GUCY2F: variants seen among roughly 807,000 people sequenced by gnomAD.
GUCY2F encodes the protein guanylate cyclase 2F, retinal, also known as retinal guanylyl cyclase 2.
Under a neutral mutation model 73.1 loss-of-function variants are expected in GUCY2F, and 61 were observed. That is an observed-to-expected ratio of 0.83 (90% confidence interval 0.68 to 1.03). GUCY2F has a LOEUF of 1.03. Among genes scored for constraint, GUCY2F ranks in the 50% least tolerant of loss-of-function variants. The pLI, the probability that GUCY2F is intolerant of heterozygous loss-of-function variation, is 0.00. For missense variants in GUCY2F, 912 were observed against 854.3 expected, an observed-to-expected ratio of 1.07 and a Z score of -0.84; for synonymous variants, 331 against 307.8, an observed-to-expected ratio of 1.08 and a Z score of -0.79.
At chrX:109,426,348 CAG>C (rs1299535040) in intron 8 of GUCY2F, among the ~76,000 whole-genome samples, 3 of 111,837 alleles carry the variant, frequency 2.7e-5, no homozygotes, top group Non-Finnish European at 5.6e-5. Context: ...AGGTTGTAAT[CAG>C]AGAGTGTGAT....
chrX:109,422,574 C>T (rs760838559), intron 8 of GUCY2F, among the ~76,000 whole-genome samples: 1 of 111,702 alleles, frequency 9.0e-6, no homozygotes, highest in Admixed American at 9.5e-5. Flanking sequence ...TATGAGATAA[C>T]CTCATCAAGT....
At chrX:109,417,424 CTA>C (rs1178762615) in intron 8 of GUCY2F, among the ~76,000 whole-genome samples, 2 of 111,015 alleles carry the variant, frequency 1.8e-5, no homozygotes, top group East Asian at 5.6e-4. Flanking sequence ...TCTAAGAAGA[CTA>C]TGATAAATTC....
At chrX:109,389,017 G>T (rs959156813) in intron 14 of GUCY2F, among the ~76,000 whole-genome samples, 4 of 112,047 alleles carry the variant, frequency 3.6e-5, no homozygotes, top group Non-Finnish European at 7.5e-5. Context: ...AGGAGAAAGT[G>T]CCTATGATGC....
Position 109,465,349 on chromosome X carries a change from G to C in GUCY2F, c.825C>G (p.Thr275=), listed in dbSNP as rs1429939275. Residue 275 remains threonine (T), a synonymous_variant, in exon 3 of 20, where the codon ACC becomes ACG. Transcript: ENST00000218006. Reference sequence around the variant, plus strand: ...GGGCATCATAAGGAACAAAGACGTAGGTTCCATCAGTCATTTTCAGATCAT... The same window carrying C: ...GGGCATCATAAGGAACAAAGACGTACGTTCCATCAGTCATTTTCAGATCAT... ...CAHDLKMTDG[T]YVFVPYDALL... The C allele has an allele frequency of 1.7e-6, 2 of 1,194,568 alleles. No homozygotes were observed.
At chrX:109,424,332 T>A (rs1171007808) in intron 8 of GUCY2F, among the ~76,000 whole-genome samples, 4 of 111,236 alleles carry the variant, frequency 3.6e-5, no homozygotes, top group Admixed American at 1.9e-4. Flanking sequence ...TTGAAAAGAG[T>A]AGTTTGCAAT....
In GUCY2F at chrX:109,430,386, A is replaced by G; in HGVS notation, c.1712T>C (p.Val571Ala). 1 of 1,076,482 alleles carries G rather than the reference A, an allele frequency of 9.3e-7. No individual in the cohort carries two copies. The highest frequency in any genetic ancestry group is 1.3e-6 in the Non-Finnish European group (1 of 772,464). 88.7% of individuals were successfully genotyped at this position (1,076,482 alleles called of 1,213,427 possible). ...TCCAAGGGAGAACTTTTTCAGCCAC[A>G]CCCAATCACCCTAGAAAGAAAAGGA... The part of the protein sequence containing the change: ...SNIAIYEGDW[V>A]WLKKFSLGDF... The change falls in exon 8 of 20, where the codon GTG becomes GCG. Residue 571 changes from valine (V) to alanine (A), a missense_variant. Coordinates refer to ENST00000218006, the MANE Select transcript of GUCY2F (RefSeq NM_001522.3).
At chrX:109,376,287 G>A in intron 17 of GUCY2F, 120 bp from the exon 18 acceptor site, 1 of 487,608 alleles carries the variant, frequency 2.1e-6, no homozygotes, top group Non-Finnish European at 3.6e-6. Flanking sequence ...CTCCCTACGG[G>A]GCTGAGCCAG....
chrX:109,466,405 T>C (rs1278420672), intron 2 of GUCY2F, among the ~76,000 whole-genome samples: 2 of 111,680 alleles, frequency 1.8e-5, no homozygotes, highest in Non-Finnish European at 3.8e-5. Flanking sequence ...AACTTCCCTG[T>C]AATTGAAATT....
In GUCY2F at chrX:109,409,028, C is replaced by A. The variant is rs150850300; in HGVS notation, c.1932G>T (p.Trp644Cys). ...ILTNQDVKLD[W>C]MFKSSLLLDL... The stretch of plus-strand genomic sequence containing the variant: ...CCAGCAAGAGTGATGATTTAAACAT[C>A]CAGTCAAGTTTCACATCTTGATTTG... The change falls in exon 9 of 20, where the codon TGG becomes TGT. Residue 644 changes from tryptophan to cysteine, a missense_variant. By Grantham distance (215) the Trp-to-Cys change is radical (BLOSUM62 -2). Coordinates refer to ENST00000218006, the MANE Select transcript of GUCY2F (RefSeq NM_001522.3). 210 of 1,148,191 alleles carry A rather than the reference C, an allele frequency of 1.8e-4. No individual in the cohort carries two copies. In the African/African-American group the frequency reaches 3.1e-3, roughly 17 times the overall value. The allele number at this position is 1,148,191 out of a possible 1,213,427, so 94.6% of individuals were successfully genotyped here. A position where few individuals can be genotyped will look rare whatever the true frequency, so the allele number is the denominator to read the frequency against.
rs1276860796 is a variant in GUCY2F at position 109,392,187 on chromosome X, C to A, written c.2589-84G>T. 4.6e-6 allele frequency: 3 copies of A among 650,848 alleles called. No individual in the cohort carries two copies. In the African/African-American group the frequency reaches 6.7e-5, roughly 14 times the overall value. 53.6% of individuals were successfully genotyped at this position (650,848 alleles called of 1,213,427 possible). A position where few individuals can be genotyped will look rare whatever the true frequency, so the allele number is the denominator to read the frequency against. On this transcript the variant is annotated intron_variant, in intron 13 of 19. Transcript: ENST00000218006. ...ACCTGCTAAAAATACACCAAATAAA[C>A]CTCTAAAAATCACTGCTAATAAATG...
At chrX:109,397,309 T>C (rs1308163220) in intron 11 of GUCY2F, among the ~76,000 whole-genome samples, 2 of 111,449 alleles carry the variant, frequency 1.8e-5, no homozygotes, top group Non-Finnish European at 3.8e-5. Context: ...GCCTTGTATG[T>C]CATGGGAGGA....
Position 109,448,240 on chromosome X carries a change from A to G in GUCY2F, c.1473-75T>C, listed in dbSNP as rs567319721. 3.0e-4 allele frequency: 158 copies of G among 533,588 alleles called. 1 individual carries two copies. The South Asian group carries it at 4.5e-3, about 15-fold the overall frequency. The allele number at this position is 533,588 out of a possible 1,213,427, so 44.0% of individuals were successfully genotyped here. On this transcript the variant is annotated intron_variant, in intron 5 of 19. Coordinates refer to ENST00000218006, the MANE Select transcript of GUCY2F (RefSeq NM_001522.3). ...AAAGCCAGGGTTAATTTGCCCTAAG[A>G]TAGCACTTAAAGAATATACAAGGTA...
chrX:109,465,245 G>C lies in GUCY2F; in HGVS notation c.929C>G (p.Ala310Gly). ...GGACTCCACTGTAATGGTCAACACT[G>C]CATCATAGGCTTCCCGGAGCTTTGG... ...NNPKLREAYD[A>G]VLTITVESQE... is the part of the protein sequence containing the mutation. Residue 310 changes from alanine (A) to glycine (G), a missense_variant, in exon 3 of 20, where the codon GCA becomes GGA. Transcript: ENST00000218006. 1 of 1,207,812 alleles carries C rather than the reference G, an allele frequency of 8.3e-7. No homozygotes were observed. Among genetic ancestry groups the C allele is most frequent in the East Asian group, 3.0e-5 (1 of 33,837 alleles).
intron 6 of GUCY2F, among the ~76,000 whole-genome samples, chrX:109,442,268 T>A (rs1482404383): frequency 2.7e-5 from 3 of 111,575 alleles, no homozygotes; most frequent in Non-Finnish European, 3.8e-5. Flanking sequence ...CATGAAGACA[T>A]ATAAGTCAAC....
rs775720751 is a variant in GUCY2F, at chrX:109,395,356, A to G, written c.2409T>C (p.Asp803=). The change falls in exon 12 of 20, where the codon GAT becomes GAC. Residue 803 remains aspartate, a synonymous_variant. Coordinates refer to ENST00000218006, the MANE Select transcript of GUCY2F (RefSeq NM_001522.3). ...GAGTCCTTACCTGGTTAAATATTTC[A>G]TCAAAAGTTGGTCGTTGTTCTGCAG... The part of the protein sequence containing the change: ...AEAAEQRPTF[D]EIFNQFKTFN... 4 of 1,208,471 alleles carry G rather than the reference A, an allele frequency of 3.3e-6. No individual in the cohort carries two copies. The highest frequency in any genetic ancestry group is 3.4e-6 in the Non-Finnish European group (3 of 892,791).
chrX:109,418,485 A>G (rs1045909956), intron 8 of GUCY2F, among the ~76,000 whole-genome samples: 1 of 111,985 alleles, frequency 8.9e-6, no homozygotes, highest in African/African-American at 3.2e-5. Context: ...ATTAAATGAG[A>G]AATCTATTAA....
chrX:109,400,617 A>T (rs1460886019), intron 10 of GUCY2F, among the ~76,000 whole-genome samples: 1 of 111,260 alleles, frequency 9.0e-6, no homozygotes, highest in Non-Finnish European at 1.9e-5. Context: ...CAGTTTCACC[A>T]CCAATCATGT....
intron 10 of GUCY2F, among the ~76,000 whole-genome samples, chrX:109,401,290 C>A (rs1371076003): frequency 1.8e-5 from 2 of 111,642 alleles, no homozygotes; most frequent in African/African-American, 6.5e-5. Flanking sequence ...TAACTCTGAG[C>A]TTTGCTAGGG....
chrX:109,419,496 G>A (rs1196203374), intron 8 of GUCY2F, among the ~76,000 whole-genome samples: 1 of 110,246 alleles, frequency 9.1e-6, no homozygotes, highest in African/African-American at 3.3e-5. Context: ...ACCTCTTTAT[G>A]ATTAAAAGAA....
Sources: gnomAD v4.1 joint callset for allele counts (sites outside exome capture counted in the v4.1 genomes callset) on GRCh38, gnomAD v4.1.1 for gene constraint, MANE v1.5 for transcripts, NCBI Gene and HGNC (gene_info 2026-07-23, HGNC 2026-07-21) for gene names.